Variants in PCSK6 observed in about 807,000 individuals in gnomAD.
PCSK6 encodes the protein proprotein convertase subtilisin/kexin type 6.
A neutral mutation model predicts 123.3 loss-of-function variants in PCSK6; 85 were observed. The observed-to-expected ratio is 0.69, with a 90% CI of 0.58 to 0.83. The LOEUF is 0.83. PCSK6 is among the 40% of genes least tolerant of loss of function. PCSK6 has a pLI of 0.00. For missense variants in PCSK6, 1,191 were observed against 1,282.3 expected (o/e 0.93, Z 1.09); for synonymous variants, 508 against 516.0 (o/e 0.98, Z 0.21).
At chr15:101,416,350 T>A (rs2055886771) in intron 6 of PCSK6, among the ~76,000 whole-genome samples, 1 of 152,172 alleles carries the variant, frequency 6.6e-6, no homozygotes, top group South Asian at 2.1e-4. Flanking sequence ...CAGAAGAAAT[T>A]TCTAAGTAGC....
At chr15:101,449,485 A>G (rs1369968968) in intron 1 of PCSK6, among the ~76,000 whole-genome samples, 1 of 152,262 alleles carries the variant, frequency 6.6e-6, no homozygotes, top group African/African-American at 2.4e-5. Context: ...GTTCATAAAC[A>G]AATGACTCTG....
chr15:101,425,114 G>A (rs1403545321), intron 6 of PCSK6, among the ~76,000 whole-genome samples: 1 of 152,216 alleles, frequency 6.6e-6, no homozygotes, highest in Non-Finnish European at 1.5e-5. Context: ...GACACGGCAG[G>A]ACTTGACTAC....
intron 1 of PCSK6, among the ~76,000 whole-genome samples, chr15:101,468,942 T>A (rs1181236139): frequency 2.0e-5 from 3 of 152,212 alleles, no homozygotes; most frequent in Non-Finnish European, 4.4e-5. Flanking sequence ...TACAGGTGAA[T>A]GATTTGACAT....
intron 18 of PCSK6, among the ~76,000 whole-genome samples, chr15:101,320,594 G>A (rs1028478345): frequency 6.6e-6 from 1 of 152,136 alleles, no homozygotes; most frequent in Non-Finnish European, 1.5e-5. Context: ...CATAGATGGC[G>A]GACACCCACC....
chr15:101,410,137 T>G (rs981484780), intron 6 of PCSK6, among the ~76,000 whole-genome samples: 1 of 152,214 alleles, frequency 6.6e-6, no homozygotes, highest in African/African-American at 2.4e-5. Flanking sequence ...CTCACTATGT[T>G]GTTGAGGCTG....
At chr15:101,479,820 T>C (rs1024223060) in intron 1 of PCSK6, among the ~76,000 whole-genome samples, 8 of 152,014 alleles carry the variant, frequency 5.3e-5, no homozygotes, top group African/African-American at 1.7e-4. Flanking sequence ...AGTCCGGCAA[T>C]GATCAGGGAG....
At chr15:101,369,108 G>A (rs1262966438) in intron 12 of PCSK6, among the ~76,000 whole-genome samples, 1 of 152,112 alleles carries the variant, frequency 6.6e-6, no homozygotes, top group Non-Finnish European at 1.5e-5. Flanking sequence ...CCAGTGCACC[G>A]AGGACAAAGC....
chr15:101,449,717 G>A (rs963258373), intron 1 of PCSK6, among the ~76,000 whole-genome samples: 1 of 152,178 alleles, frequency 6.6e-6, no homozygotes, highest in Non-Finnish European at 1.5e-5. Context: ...CTGGGGAGGT[G>A]GGTTCTGAAA....
chr15:101,447,849 GC>G (rs1033071327), intron 1 of PCSK6, among the ~76,000 whole-genome samples: 19 of 149,848 alleles, frequency 1.3e-4, no homozygotes, highest in Non-Finnish European at 2.2e-4. Flanking sequence ...TGCCTGAGCA[GC>G]CCGCCTTTAG....
At chr15:101,444,600 A>T (rs948741414) in intron 1 of PCSK6, among the ~76,000 whole-genome samples, 1 of 152,202 alleles carries the variant, frequency 6.6e-6, no homozygotes, top group Admixed American at 6.5e-5. Flanking sequence ...GTTTTGAGTC[A>T]GATCGATTTG....
intron 13 of PCSK6, among the ~76,000 whole-genome samples, chr15:101,344,091 T>A (rs987981709): frequency 4.6e-5 from 7 of 151,406 alleles, no homozygotes; most frequent in Admixed American, 2.0e-4. Context: ...AAAAAATAAA[T>A]AAATAAAAAA....
intron 8 of PCSK6, 69 bp downstream of exon 8, chr15:101,393,143 G>T: frequency 8.2e-7 from 1 of 1,215,066 alleles, no homozygotes; most frequent in Non-Finnish European, 1.2e-6. Flanking sequence ...CTGAGAAAGG[G>T]AGAAGAAACT....
chr15:101,316,914 T>G (rs1012516389), intron 19 of PCSK6, among the ~76,000 whole-genome samples: 1 of 100,494 alleles, frequency 1.0e-5, no homozygotes, highest in Non-Finnish European at 2.1e-5. Context: ...AATTCTGTTT[T>G]TTTTTTTTTT....
chr15:101,419,051 C>T (rs1204983348), intron 6 of PCSK6, among the ~76,000 whole-genome samples: 1 of 152,110 alleles, frequency 6.6e-6, no homozygotes, highest in Non-Finnish European at 1.5e-5. Flanking sequence ...AGAAATCAAA[C>T]AGAACCTATA....
At chr15:101,477,959 T>C (rs773972842) in intron 1 of PCSK6, among the ~76,000 whole-genome samples, 20 of 152,154 alleles carry the variant, frequency 1.3e-4, no homozygotes, top group Non-Finnish European at 2.6e-4. Context: ...GAGGGGAGGA[T>C]CCCATAGTAC....
chr15:101,309,782 A>C (rs2039810442), intron 20 of PCSK6, among the ~76,000 whole-genome samples: 1 of 152,112 alleles, frequency 6.6e-6, no homozygotes, highest in Non-Finnish European at 1.5e-5. Context: ...TTTTCTTCCA[A>C]GTTGTCCAGG....
chr15:101,487,546 T>C (rs894816423), intron 1 of PCSK6, among the ~76,000 whole-genome samples: 2 of 151,882 alleles, frequency 1.3e-5, no homozygotes, highest in African/African-American at 4.9e-5. Context: ...GAGAGTTACC[T>C]GTGCCTCTCT....
chr15:101,322,578 T>C lies in PCSK6; in HGVS notation c.2407A>G (p.Ser803Gly), dbSNP rs755637302. 3 of 1,613,596 alleles carry C rather than the reference T, an allele frequency of 1.9e-6. No homozygotes were observed. Among genetic ancestry groups the C allele is most frequent in the East Asian group, 4.5e-5 (2 of 44,874 alleles). The change falls in exon 18 of 22, where the codon AGC becomes GGC. Residue 803 changes from serine (S) to glycine (G), a missense_variant. Ser to Gly is a moderately conservative substitution (Grantham distance 56). Transcript: ENST00000611716. ...SQKNCLKCHP[S>G]CKKCVDEPEK... ...GGTTCATCCACGCACTTTTTACAGC[T>C]TGGGTGGCATTTAAGGCAATTTTTC...
chr15:101,375,505 G>A (rs561988645), intron 11 of PCSK6, among the ~76,000 whole-genome samples: 4 of 152,308 alleles, frequency 2.6e-5, no homozygotes, highest in African/African-American at 7.2e-5. Flanking sequence ...CTGAAGGGGA[G>A]TAAAAGAGAA....
Sources: gnomAD v4.1 joint callset for allele counts (sites outside exome capture counted in the v4.1 genomes callset) on GRCh38, gnomAD v4.1.1 for gene constraint, MANE v1.5 for transcripts, NCBI Gene and HGNC (gene_info 2026-07-23, HGNC 2026-07-21) for gene names.